The following GABRA6 variants were observed in gnomAD, a reference collection of about 807,000 sequenced individuals.
GABRA6 encodes the protein gamma-aminobutyric acid receptor subunit alpha-6.
A neutral mutation model predicts 47.3 loss-of-function variants in GABRA6; 45 were observed. The ratio of observed to expected loss-of-function variants is 0.95; its 90% CI spans 0.75 to 1.22. GABRA6 has a LOEUF of 1.22. Ranked by LOEUF, GABRA6 falls within the 50% of genes most tolerant of loss-of-function variation. The pLI, the probability that GABRA6 is intolerant of heterozygous loss-of-function variation, is 0.00. For missense variants in GABRA6, 583 were observed against 549.3 expected, an observed-to-expected ratio of 1.06 and a Z score of -0.61; for synonymous variants, 219 against 194.7, an observed-to-expected ratio of 1.12 and a Z score of -1.04.
rs1408242177 is a variant in GABRA6, at chr5:161,701,787, C to A, written c.*14C>A. ...AGTGTTGAATAGCTTGCGGCCAGGA[C>A]AACCTGAATTCTATAAGTTCTTGTT... On this transcript the variant is annotated 3_prime_UTR_variant, in exon 9 of 9. Transcript: ENST00000274545. The A allele has an allele frequency of 1.2e-6, 2 of 1,613,524 alleles. No individual in the cohort carries two copies. Among genetic ancestry groups the A allele is most frequent in the East Asian group, 2.2e-5 (1 of 44,876 alleles).
At chr5:161,687,247 C>T in intron 3 of GABRA6, 1 of 520,230 alleles carries the variant, frequency 1.9e-6, no homozygotes, top group Non-Finnish European at 3.5e-6. Flanking sequence ...CATCCACATG[C>T]TATGCACTAA....
chr5:161,701,753 G>A lies in GABRA6; in HGVS notation c.1342G>A (p.Val448Ile), dbSNP rs755727293. The A allele has an allele frequency of 5.6e-6, 9 of 1,614,126 alleles. No homozygotes were observed. In the South Asian group the frequency reaches 9.9e-5, roughly 18 times the overall value. Residue 448 changes from valine (V) to isoleucine (I), a missense_variant, in exon 9 of 9, where the codon GTC becomes ATC. By Grantham distance (29) the Val-to-Ile change is conservative (BLOSUM62 3). Coordinates refer to ENST00000274545, the MANE Select transcript of GABRA6 (RefSeq NM_000811.3). ...TTATCTTTCCAAAGATACAATGGAA[G>A]TCAGTAGCAGTGTTGAATAGCTTGC... ...VVYLSKDTME[V>I]SSSVE
intron 8 of GABRA6, among the ~76,000 whole-genome samples, chr5:161,694,527 T>C (rs886139385): frequency 1.3e-5 from 2 of 152,072 alleles, no homozygotes; most frequent in Non-Finnish European, 2.9e-5. Flanking sequence ...AGATGGAATT[T>C]AAGATCTCAG....
At chr5:161,691,851 T>C in intron 7 of GABRA6, 90 bp from the exon 8 acceptor site, 1 of 1,196,486 alleles carries the variant, frequency 8.4e-7, no homozygotes. Flanking sequence ...TTGGTAGAGT[T>C]TTTTGTCTTC....
At chr5:161,699,559 T>TG (rs1754943070) in intron 8 of GABRA6, among the ~76,000 whole-genome samples, 1 of 146,630 alleles carries the variant, frequency 6.8e-6, no homozygotes, top group Non-Finnish European at 1.5e-5. Context: ...GCTGTCATCT[T>TG]TTTTTTTTTT....
Position 161,701,710 on chromosome 5 carries a change from C to T in GABRA6, c.1299C>T (p.Asn433=), listed in dbSNP as rs762067086. 2 of 1,614,148 alleles carry T rather than the reference C, an allele frequency of 1.2e-6. No homozygotes were observed. Among genetic ancestry groups the T allele is most frequent in the South Asian group, 1.1e-5 (1 of 91,078 alleles). ...ILFPVAFAGF[N]LVYWVVYLSK... is the part of the protein sequence containing the mutation. Reference sequence around the variant, plus strand: ...TCCCAGTTGCATTTGCAGGATTCAACCTTGTGTACTGGGTAGTTTATCTTT... The same window carrying T: ...TCCCAGTTGCATTTGCAGGATTCAATCTTGTGTACTGGGTAGTTTATCTTT... Residue 433 remains asparagine (N), a synonymous_variant, in exon 9 of 9, where the codon AAC becomes AAT. Transcript: ENST00000274545.
In GABRA6 at chr5:161,689,638, G is replaced by A; in HGVS notation, c.532G>A (p.Ala178Thr). 1 of 1,607,504 alleles carries A rather than the reference G, an allele frequency of 6.2e-7. No individual in the cohort carries two copies. Among genetic ancestry groups the A allele is most frequent in the Non-Finnish European group, 8.5e-7 (1 of 1,174,434 alleles). Residue 178 changes from alanine to threonine, a missense_variant and splice_region_variant, in exon 6 of 9, where the codon GCT becomes ACT. Ala to Thr is a moderately conservative substitution (Grantham distance 58). Coordinates refer to ENST00000274545, the MANE Select transcript of GABRA6 (RefSeq NM_000811.3). ...HACPLKFGSY[A>T]YPKSEIIYTW... ...TTTAATTTGTTTCAAATATTTAGATGCTTATCCCAAAAGTGAAATCATATA... is the reference window on the plus strand; with the variant it reads ...TTTAATTTGTTTCAAATATTTAGATACTTATCCCAAAAGTGAAATCATATA...
intron 3 of GABRA6, chr5:161,687,325 GA>G (rs1235751432): frequency 1.8e-5 from 7 of 395,212 alleles, no homozygotes; most frequent in Non-Finnish European, 2.9e-5. Context: ...ATTGGAGGAA[GA>G]AAAAAAACAC....
chr5:161,692,277 T>A, intron 8 of GABRA6, 77 bp downstream of exon 8: 1 of 1,569,042 alleles, frequency 6.4e-7, no homozygotes, highest in Non-Finnish European at 8.8e-7. Context: ...AACGAAAGTG[T>A]CCAAAAGTAA....
chr5:161,685,905 T>C lies in GABRA6; in HGVS notation c.-85T>C. ...CAGAGATATGAAGGGTTTGAAAGAT[T>C]TCTCCAGTTGATTGGCAGAGAAGAG... On this transcript the variant is annotated 5_prime_UTR_variant, in exon 1 of 9. Coordinates refer to ENST00000274545, the MANE Select transcript of GABRA6 (RefSeq NM_000811.3). The C allele has an allele frequency of 1.9e-6, 2 of 1,068,632 alleles. No individual in the cohort carries two copies. The highest frequency in any genetic ancestry group is 1.5e-6 in the Non-Finnish European group (1 of 681,200). The allele number at this position is 1,068,632 out of a possible 1,614,324, so 66.2% of individuals were successfully genotyped here.
intron 8 of GABRA6, among the ~76,000 whole-genome samples, chr5:161,697,809 TCA>T (rs1284583394): frequency 6.6e-6 from 1 of 152,206 alleles, no homozygotes; most frequent in Admixed American, 6.5e-5. Context: ...GTCTGTGGCA[TCA>T]GAGGGAAATT....
At chr5:161,698,064 G>T (rs1754916420) in intron 8 of GABRA6, among the ~76,000 whole-genome samples, 1 of 151,962 alleles carries the variant, frequency 6.6e-6, no homozygotes, top group African/African-American at 2.4e-5. Context: ...CCCCCTCTTT[G>T]CCTACTTCCT....
At chr5:161,687,065 C>T in intron 3 of GABRA6, 62 bp downstream of exon 3, 2 of 1,347,872 alleles carry the variant, frequency 1.5e-6, no homozygotes, top group South Asian at 2.3e-5. Flanking sequence ...AGTCCCAAAA[C>T]TAATGATAAT....
At chr5:161,691,830 ATG>A in intron 7 of GABRA6, 109 bp from the exon 8 acceptor site, 1 of 850,598 alleles carries the variant, frequency 1.2e-6, no homozygotes, top group South Asian at 1.5e-5. Context: ...ATTTTTAAAA[ATG>A]ACTTTGCCTT....
chr5:161,690,683 A>C (rs1247659869), intron 7 of GABRA6, among the ~76,000 whole-genome samples: 1 of 152,190 alleles, frequency 6.6e-6, no homozygotes, highest in African/African-American at 2.4e-5. Context: ...AAAGCAAAAG[A>C]TTAAGGTATT....
At chr5:161,697,430 T>G (rs918022806) in intron 8 of GABRA6, among the ~76,000 whole-genome samples, 1 of 152,192 alleles carries the variant, frequency 6.6e-6, no homozygotes, top group Non-Finnish European at 1.5e-5. Context: ...AGCAGCTGAT[T>G]ATCCAGATGT....
intron 2 of GABRA6, 93 bp from the exon 3 acceptor site, chr5:161,686,843 T>C (rs1024434472): frequency 3.2e-5 from 34 of 1,051,294 alleles, no homozygotes; most frequent in African/African-American, 2.8e-4. Context: ...AGATACTGGC[T>C]ATGATAAGTA....
intron 3 of GABRA6, among the ~76,000 whole-genome samples, chr5:161,687,930 A>G (rs764939694): frequency 8.2e-4 from 125 of 151,676 alleles, no homozygotes; most frequent in Non-Finnish European, 1.5e-3. Context: ...TTATCTTACT[A>G]TATAAGGAGA....
chr5:161,689,477 G>C, intron 5 of GABRA6, 141 bp downstream of exon 5: 1 of 1,009,462 alleles, frequency 9.9e-7, no homozygotes. Context: ...TAATCATTCT[G>C]TCAATCTCAT....
Sources: allele counts gnomAD v4.1 joint callset (sites outside exome capture counted in the v4.1 genomes callset), GRCh38; gene constraint gnomAD v4.1.1; transcripts MANE v1.5; gene names NCBI Gene and HGNC (gene_info 2026-07-23, HGNC 2026-07-21).